Variants in DIO2 observed in about 807,000 individuals in gnomAD.
The protein encoded by DIO2 is iodothyronine deiodinase 2.
DIO2 carries 19 observed loss-of-function variants against 21.4 expected under a neutral mutation model. The observed-to-expected ratio is 0.89, with a 90% CI of 0.62 to 1.30. DIO2 has a LOEUF of 1.30. Among genes scored for constraint, DIO2 ranks in the 50% most tolerant of loss-of-function variants. The pLI is 0.00. For synonymous variants in DIO2, 122 were observed against 132.9 expected, an observed-to-expected ratio of 0.92 and a Z score of 0.57; for missense variants, 302 against 338.1, an observed-to-expected ratio of 0.89 and a Z score of 0.84.
chr14:80,206,415 TACTG>T, intron 1 of DIO2: 2 of 765,722 alleles, frequency 2.6e-6, no homozygotes, highest in Non-Finnish European at 4.1e-6. Context: ...AAAAGGATAT[TACTG>T]TTCATTCTCA....
chr14:80,224,663 A>G (rs1594883293), intron 2 of DIO2, among the ~76,000 whole-genome samples: 1 of 152,124 alleles, frequency 6.6e-6, no homozygotes, highest in Non-Finnish European at 1.5e-5. Context: ...AAGCCAACCA[A>G]TTTTTGATAA....
At chr14:80,205,009 T>G (rs1024340385) in intron 1 of DIO2, among the ~76,000 whole-genome samples, 2 of 152,134 alleles carry the variant, frequency 1.3e-5, no homozygotes, top group African/African-American at 4.8e-5. Context: ...ACAGAGAAAA[T>G]TATTTTACTT....
chr14:80,220,213 T>A, intron 2 of DIO2, among the ~76,000 whole-genome samples: 1 of 152,186 alleles, frequency 6.6e-6, no homozygotes, highest in East Asian at 1.9e-4. Context: ...CAGCTGGGAC[T>A]ACAGGCGCCC....
chr14:80,227,634 C>T (rs992881130), intron 2 of DIO2, among the ~76,000 whole-genome samples: 2 of 152,200 alleles, frequency 1.3e-5, no homozygotes, highest in Admixed American at 6.5e-5. Flanking sequence ...GAGGGCCTGC[C>T]AAAGGCTCCA....
chr14:80,211,526 C>A, upstream of DIO2: 1 of 834,252 alleles, frequency 1.2e-6, no homozygotes, highest in African/African-American at 2.2e-5. Context: ...CCTTCACCCT[C>A]TTATTTAAAA....
At chr14:80,209,817 T>A (rs1888100979) in intron 1 of DIO2, among the ~76,000 whole-genome samples, 1 of 152,254 alleles carries the variant, frequency 6.6e-6, no homozygotes, top group Admixed American at 6.5e-5. Flanking sequence ...TGCATTGTGG[T>A]AAAATTTCCC....
intron 2 of DIO2, among the ~76,000 whole-genome samples, chr14:80,225,480 G>A (rs879435447): frequency 5.3e-5 from 8 of 152,164 alleles, no homozygotes; most frequent in Non-Finnish European, 1.2e-4. Flanking sequence ...GAAATAAAAT[G>A]AAGATATTAT....
At chr14:80,229,051 A>G (rs1213637744) in intron 2 of DIO2, among the ~76,000 whole-genome samples, 1 of 152,184 alleles carries the variant, frequency 6.6e-6, no homozygotes, top group East Asian at 1.9e-4. Context: ...CCTCCCCTTC[A>G]TTCAAGGAGT....
At chr14:80,227,721 G>A (rs1335539117) in intron 2 of DIO2, among the ~76,000 whole-genome samples, 1 of 152,180 alleles carries the variant, frequency 6.6e-6, no homozygotes, top group Non-Finnish European at 1.5e-5. Flanking sequence ...TGGAAGAGCA[G>A]CTTGCACAGC....
intron 1 of DIO2, among the ~76,000 whole-genome samples, chr14:80,209,067 T>C (rs937949859): frequency 6.6e-6 from 1 of 152,108 alleles, no homozygotes; most frequent in African/African-American, 2.4e-5. Flanking sequence ...AAATCACTCA[T>C]CCTTCCCAAT....
At chr14:80,206,351 A>T (rs781553936) in intron 1 of DIO2, 1 of 1,474,172 alleles carries the variant, frequency 6.8e-7, no homozygotes, top group Non-Finnish European at 9.1e-7. Flanking sequence ...AAAATAAAGA[A>T]AAAAAACTTT....
Position 80,199,699 on chromosome 14 carries a change from T to A in DIO2, c.*2990A>T, listed in dbSNP as rs1887638047. ...GTTTGAGTAGACCCAGATGTTATGA[T>A]AATATCTAAAATTTCTTGGAAACTA... On this transcript the variant is annotated 3_prime_UTR_variant, in exon 2 of 2. Coordinates refer to ENST00000438257, the MANE Select transcript of DIO2 (RefSeq NM_013989.5). The A allele has an allele frequency of 1.3e-5, 2 of 152,610 alleles. No homozygotes were observed. The highest frequency in any genetic ancestry group is 1.3e-4 in the Admixed American group (2 of 15,262). 9.5% of individuals were successfully genotyped at this position (152,610 alleles called of 1,614,324 possible).
At chr14:80,216,051 C>G (rs74958408), upstream of DIO2, 1 of 152,254 alleles carries the variant, frequency 6.6e-6, no homozygotes, top group African/African-American at 2.4e-5. Context: ...CAGCCCTCTC[C>G]GTAGGTTCCT....
intron 1 of DIO2, among the ~76,000 whole-genome samples, chr14:80,211,044 A>C (rs1483499673): frequency 6.6e-6 from 1 of 152,224 alleles, no homozygotes; most frequent in Non-Finnish European, 1.5e-5. Flanking sequence ...TTATTAGGTC[A>C]CACAGAGTCA....
chr14:80,212,468 T>C (rs1345285425), upstream of DIO2, among the ~76,000 whole-genome samples: 1 of 152,088 alleles, frequency 6.6e-6, no homozygotes, highest in African/African-American at 2.4e-5. Flanking sequence ...TTTAATATAA[T>C]GTGCAGATTG....
chr14:80,207,919 G>A (rs930639890), intron 1 of DIO2, among the ~76,000 whole-genome samples: 4 of 152,162 alleles, frequency 2.6e-5, no homozygotes, highest in South Asian at 4.1e-4. Context: ...GGAAACTAGT[G>A]TCAAAGGCTT....
intron 1 of DIO2, among the ~76,000 whole-genome samples, chr14:80,207,026 C>A (rs1012477952): frequency 2.6e-5 from 4 of 152,076 alleles, no homozygotes; most frequent in Non-Finnish European, 5.9e-5. Flanking sequence ...AAAGGACATA[C>A]GTAAAATGTG....
upstream of DIO2, among the ~76,000 whole-genome samples, chr14:80,214,727 TTAAGAA>T (rs1271140547): frequency 6.6e-6 from 1 of 152,216 alleles, no homozygotes; most frequent in African/African-American, 2.4e-5. Flanking sequence ...ATTCCAGTTA[TTAAGAA>T]TATTTACCAC....
chr14:80,202,391 C>T lies in DIO2; in HGVS notation c.*298G>A, dbSNP rs1323372558. ...GTCTCAAAGCATGCATCAGATGTAT[C>T]AGTTCCTTCTCAATGCAGAATGAAC... is the stretch of plus-strand genomic sequence containing the variant. On this transcript the variant is annotated 3_prime_UTR_variant, in exon 2 of 2. Transcript: ENST00000438257. 1 of 627,064 alleles carries T rather than the reference C, an allele frequency of 1.6e-6. No individual in the cohort carries two copies. The highest frequency in any genetic ancestry group is 1.8e-5 in the Admixed American group (1 of 54,918). 38.8% of individuals were successfully genotyped at this position (627,064 alleles called of 1,614,324 possible). A position where few individuals can be genotyped will look rare whatever the true frequency, so the allele number is the denominator to read the frequency against.
Sources: gnomAD v4.1 joint callset for allele counts (sites outside exome capture counted in the v4.1 genomes callset) on GRCh38, gnomAD v4.1.1 for gene constraint, MANE v1.5 for transcripts, NCBI Gene and HGNC (gene_info 2026-07-23, HGNC 2026-07-21) for gene names.